Variants in KIRREL3 observed in about 807,000 individuals in gnomAD.
KIRREL3 encodes kirre like nephrin family adhesion molecule 3.
In KIRREL3, 36 loss-of-function variants were observed where a neutral mutation model predicts 89.7. The observed-to-expected ratio is 0.40, with a 90% CI of 0.31 to 0.53. The LOEUF (loss-of-function observed/expected upper bound fraction) is 0.53. KIRREL3 is among the 20% of genes least tolerant of loss of function. KIRREL3 has a pLI of 0.49. For synonymous variants in KIRREL3, 445 were observed against 441.4 expected (o/e 1.01, Z -0.10); for missense variants, 864 against 1,056.6 (o/e 0.82, Z 2.53).
intron 1 of KIRREL3, among the ~76,000 whole-genome samples, chr11:126,887,380 A>T (rs1339421741): frequency 6.6e-6 from 1 of 152,172 alleles, no homozygotes; most frequent in Non-Finnish European, 1.5e-5. Context: ...AAGAAGCAAG[A>T]AGCATTACTG....
chr11:126,527,734 A>G lies in KIRREL3; in HGVS notation c.134-1047T>C, dbSNP rs1958805456. Among the ~76,000 whole-genome samples the G allele has an allele frequency of 6.6e-6, 1 of 152,058 alleles. No individual in the cohort carries two copies. Reference sequence around the variant, plus strand: ...AGGCTCAGGGTTAACTGAATTGCCCAGGGAACTGTCTAGTGGGAGTTGGGG... The same window carrying G: ...AGGCTCAGGGTTAACTGAATTGCCCGGGGAACTGTCTAGTGGGAGTTGGGG... On this transcript the variant is annotated intron_variant, in intron 2 of 16. Transcript: ENST00000525144. The surrounding 1 kb of genome is among the most constrained non-coding windows in gnomAD (Gnocchi z 4.2).
At position 126,668,050 on chromosome 11, in the gene KIRREL3, G is replaced by T. The variant is rs528716642; in HGVS notation, c.56-105138C>A. ...TGAACAATTTCAGCCCCTCATAAGG[G>T]GTTGATAGCTGAGCCCCTGTGTCTT... On this transcript the variant is annotated intron_variant, in intron 1 of 16. Transcript: ENST00000525144. The surrounding 1 kb of genome is among the most constrained non-coding windows in gnomAD (Gnocchi z 4.4). 1.3e-5 allele frequency among the ~76,000 whole-genome samples: 2 copies of T among 152,276 alleles called. No homozygotes were observed. Among genetic ancestry groups the T allele is most frequent in the South Asian group, 4.2e-4 (2 of 4,818 alleles).
intron 5 of KIRREL3, among the ~76,000 whole-genome samples, chr11:126,469,367 G>A (rs561931755): frequency 5.3e-5 from 8 of 152,292 alleles, no homozygotes; most frequent in African/African-American, 1.9e-4. Flanking sequence ...CTGATGCTCT[G>A]GCCCCTCCTC....
rs142024783 is a variant in KIRREL3, at chr11:126,851,501, C to A, written c.55+148954G>T. On this transcript the variant is annotated intron_variant, in intron 1 of 16. Transcript: ENST00000525144. ...ATTGTTGAAATTCCTAAGGGGAATG[C>A]CATGGGAGGCACTCTGGAGCAATTA... is the stretch of plus-strand genomic sequence containing the variant. Among the ~76,000 whole-genome samples, 894 of 152,252 alleles carry A rather than the reference C, an allele frequency of 5.9e-3. 11 individuals carry two copies. Among genetic ancestry groups the A allele is most frequent in the African/African-American group, 0.02 (850 of 41,548 alleles).
At chr11:126,600,623 C>A (rs1283486758) in intron 1 of KIRREL3, among the ~76,000 whole-genome samples, 1 of 152,120 alleles carries the variant, frequency 6.6e-6, no homozygotes. Flanking sequence ...GGTGCAAATC[C>A]CTTTACTCTT....
chr11:126,846,092 T>A (rs1303451871), intron 1 of KIRREL3, among the ~76,000 whole-genome samples: 1 of 152,220 alleles, frequency 6.6e-6, no homozygotes, highest in Admixed American at 6.5e-5. Flanking sequence ...ATATCAGAAA[T>A]TACTTTGCAT....
intron 2 of KIRREL3, among the ~76,000 whole-genome samples, chr11:126,552,810 G>A (rs1047312656): frequency 3.3e-5 from 5 of 151,830 alleles, no homozygotes; most frequent in African/African-American, 4.8e-5. Context: ...TGATCCACCC[G>A]CCTCAGCCTC....
chr11:126,504,558 G>T (rs1259652692), intron 4 of KIRREL3, among the ~76,000 whole-genome samples: 1 of 152,144 alleles, frequency 6.6e-6, no homozygotes, highest in Non-Finnish European at 1.5e-5. Context: ...GAAAGCCCTA[G>T]ACCCAGATGG....
In KIRREL3 at chr11:126,766,306, C is replaced by T. The variant is rs1949821998; in HGVS notation, c.56-203394G>A. 6.6e-6 allele frequency among the ~76,000 whole-genome samples: 1 copy of T among 152,070 alleles called. No homozygotes were observed. Among genetic ancestry groups the T allele is most frequent in the African/African-American group, 2.4e-5 (1 of 41,388 alleles). On this transcript the variant is annotated intron_variant, in intron 1 of 16. Transcript: ENST00000525144. This position sits in a 1 kb window ranked among gnomAD's most constrained non-coding sequence, Gnocchi z 4.2. Reference sequence around the variant, plus strand: ...ACAGCCTTGGTGCTATAATATGGTCCTGCCAAACCCATTACAGTAATGACA... The same window carrying T: ...ACAGCCTTGGTGCTATAATATGGTCTTGCCAAACCCATTACAGTAATGACA...
At chr11:126,821,207 C>T (rs1943201715) in intron 1 of KIRREL3, among the ~76,000 whole-genome samples, 1 of 151,704 alleles carries the variant, frequency 6.6e-6, no homozygotes, top group South Asian at 2.1e-4. Flanking sequence ...TTTTCCTAGA[C>T]AAGGCTTCTC....
At chr11:126,539,122 G>A (rs995007431) in intron 2 of KIRREL3, among the ~76,000 whole-genome samples, 14 of 152,200 alleles carry the variant, frequency 9.2e-5, no homozygotes, top group Non-Finnish European at 1.6e-4. Flanking sequence ...TAGTCCCTCT[G>A]AGCCTCAGTT....
intron 1 of KIRREL3, among the ~76,000 whole-genome samples, chr11:126,941,513 C>A (rs185762335): frequency 6.6e-6 from 1 of 152,204 alleles, no homozygotes; most frequent in Non-Finnish European, 1.5e-5. Context: ...GATTCTCAGG[C>A]AGCCAGCCTC....
rs1950285050 is a variant in KIRREL3 at position 127,000,308 on chromosome 11, G to C, written c.55+147C>G. On this transcript the variant is annotated intron_variant, in intron 1 of 16. Coordinates refer to ENST00000525144, the MANE Select transcript of KIRREL3 (RefSeq NM_032531.4). This position sits in a 1 kb window ranked among gnomAD's most constrained non-coding sequence, Gnocchi z 7.1. ...TTTGTTGCATTCGCAAAGGCGAAGAGGCAATGCCAGAGCATCTCAGCCCGG... is the reference window on the plus strand; with the variant it reads ...TTTGTTGCATTCGCAAAGGCGAAGACGCAATGCCAGAGCATCTCAGCCCGG... 1.6e-6 allele frequency: 1 copy of C among 616,694 alleles called. No individual in the cohort carries two copies. The highest frequency in any genetic ancestry group is 2.8e-6 in the Non-Finnish European group (1 of 356,292). The allele number at this position is 616,694 out of a possible 1,614,324, so 38.2% of individuals were successfully genotyped here.
At chr11:126,893,213 T>C (rs1045634343) in intron 1 of KIRREL3, among the ~76,000 whole-genome samples, 1 of 152,230 alleles carries the variant, frequency 6.6e-6, no homozygotes, top group African/African-American at 2.4e-5. Flanking sequence ...TCTATAATTT[T>C]ACTTCTTTTA....
At chr11:126,972,371 T>C (rs1468348890) in intron 1 of KIRREL3, among the ~76,000 whole-genome samples, 2 of 152,202 alleles carry the variant, frequency 1.3e-5, no homozygotes, top group Admixed American at 6.5e-5. Context: ...TCCCACTCTA[T>C]GCAAAAGCTG....
At chr11:126,936,254 A>G (rs1948179630) in intron 1 of KIRREL3, 1 of 152,254 alleles carries the variant, frequency 6.6e-6, no homozygotes, top group African/African-American at 2.4e-5. Context: ...GATGTTGGTA[A>G]GGATGTAAAT....
At chr11:126,679,974 C>T (rs976724560) in intron 1 of KIRREL3, among the ~76,000 whole-genome samples, 3 of 152,178 alleles carry the variant, frequency 2.0e-5, no homozygotes, top group Non-Finnish European at 2.9e-5. Context: ...CCTCTCCTTC[C>T]GTGGCATTTG....
chr11:126,713,609 G>C (rs947310751), intron 1 of KIRREL3, among the ~76,000 whole-genome samples: 2 of 152,168 alleles, frequency 1.3e-5, no homozygotes, highest in Admixed American at 6.5e-5. Flanking sequence ...GACGCAACAG[G>C]CTCTGGTAAC....
chr11:126,871,931 G>A (rs950358175), intron 1 of KIRREL3, among the ~76,000 whole-genome samples: 4 of 152,200 alleles, frequency 2.6e-5, no homozygotes, highest in Admixed American at 2.6e-4. Context: ...AGTGGAAGAG[G>A]AGGTGTGACT....
Sources: allele counts gnomAD v4.1 joint callset (sites outside exome capture counted in the v4.1 genomes callset), GRCh38; gene constraint gnomAD v4.1.1; non-coding constraint Gnocchi (gnomAD v3.1); transcripts MANE v1.5; gene names NCBI Gene and HGNC (gene_info 2026-07-23, HGNC 2026-07-21).